Variants in RAPGEF4 observed in about 807,000 individuals in gnomAD.
The protein encoded by RAPGEF4 is RAP guanine-nucleotide-exchange factor (GEF) 4.
RAPGEF4 carries 66 observed loss-of-function variants against 147.9 expected under a neutral mutation model. That is an observed-to-expected ratio of 0.45 (90% CI 0.37 to 0.55). The LOEUF is 0.55. RAPGEF4 is among the 20% of genes least tolerant of loss of function. RAPGEF4 has a pLI of 0.00. For synonymous variants in RAPGEF4, 419 were observed against 442.7 expected (o/e 0.95, Z 0.67); for missense variants, 1,071 against 1,257.3 (o/e 0.85, Z 2.24).
intron 4 of RAPGEF4, among the ~76,000 whole-genome samples, chr2:172,841,598 T>C (rs1337100206): frequency 6.6e-6 from 1 of 152,232 alleles, no homozygotes; most frequent in Non-Finnish European, 1.5e-5. Context: ...TATGAAGTAC[T>C]GATACAGATG....
At chr2:172,958,241 G>A (rs12996953) in intron 6 of RAPGEF4, among the ~76,000 whole-genome samples, 34,728 of 152,136 alleles carry the variant, frequency 0.23, 5,047 homozygotes, top group Middle Eastern at 0.34. Flanking sequence ...TCTAAGACAA[G>A]AAGAAGAAAT....
At chr2:172,909,669 AGCTGACTTGT>A (rs2149999135) in intron 4 of RAPGEF4, among the ~76,000 whole-genome samples, 1 of 152,278 alleles carries the variant, frequency 6.6e-6, no homozygotes, top group African/African-American at 2.4e-5. Flanking sequence ...CCCAGGTTTA[AGCTGACTTGT>A]GCTGACTTAT....
In RAPGEF4 at chr2:172,995,448, T is replaced by C. The variant is rs542337994; in HGVS notation, c.1491-1018T>C. 3.3e-5 allele frequency among the ~76,000 whole-genome samples: 5 copies of C among 152,216 alleles called. No individual in the cohort carries two copies. The South Asian group carries it at 1.0e-3, about 32-fold the overall frequency. ...GCATGTGCCACCACGCCCAGCTAAT[T>C]TTTTGTATTTTAGTAGAGACGGGGC... On this transcript the variant is annotated intron_variant, in intron 15 of 30. Transcript: ENST00000397081.
At chr2:172,888,976 T>C (rs1697571050) in intron 4 of RAPGEF4, among the ~76,000 whole-genome samples, 1 of 152,144 alleles carries the variant, frequency 6.6e-6, no homozygotes, top group Non-Finnish European at 1.5e-5. Flanking sequence ...AAGGTGAACT[T>C]TAATTGACTT....
intron 18 of RAPGEF4, among the ~76,000 whole-genome samples, 176 bp from the exon 19 acceptor site, chr2:173,016,173 T>C (rs1695490959): frequency 6.6e-6 from 1 of 152,212 alleles, no homozygotes; most frequent in African/African-American, 2.4e-5. Context: ...TCATGGCCAA[T>C]TTTGAACTTA....
At chr2:172,952,457 A>G (rs1688300749) in intron 6 of RAPGEF4, among the ~76,000 whole-genome samples, 1 of 152,214 alleles carries the variant, frequency 6.6e-6, no homozygotes, top group Admixed American at 6.5e-5. Context: ...TTATGTTTCC[A>G]TAGAAGTCAC....
At chr2:173,015,109 T>C (rs1695390210) in intron 18 of RAPGEF4, among the ~76,000 whole-genome samples, 3 of 152,242 alleles carry the variant, frequency 2.0e-5, no homozygotes, top group Admixed American at 2.0e-4. Flanking sequence ...AAAAGTCTTG[T>C]GCAAGTGATT....
At chr2:172,946,615 T>C (rs1437060359) in intron 6 of RAPGEF4, among the ~76,000 whole-genome samples, 1 of 152,178 alleles carries the variant, frequency 6.6e-6, no homozygotes, top group Admixed American at 6.5e-5. Flanking sequence ...ATCTGCTCTC[T>C]CACTATCAAG....
chr2:172,739,012 T>C (rs890431891), intron 1 of RAPGEF4, among the ~76,000 whole-genome samples: 13 of 152,182 alleles, frequency 8.5e-5, no homozygotes, highest in Non-Finnish European at 1.9e-4. Context: ...GTGTTGCAAG[T>C]GTTGTAGATA....
chr2:172,805,837 A>C (rs1334343298), intron 3 of RAPGEF4, among the ~76,000 whole-genome samples: 2 of 152,164 alleles, frequency 1.3e-5, no homozygotes, highest in Non-Finnish European at 2.9e-5. Flanking sequence ...ATAGGGCTAA[A>C]AGTCAGATAT....
intron 29 of RAPGEF4, among the ~76,000 whole-genome samples, chr2:173,040,530 G>A (rs1684634799): frequency 6.6e-6 from 1 of 152,182 alleles, no homozygotes; most frequent in Admixed American, 6.5e-5. Context: ...CCTGCCAGGG[G>A]CCGAGGTCAC....
intron 4 of RAPGEF4, among the ~76,000 whole-genome samples, chr2:172,901,733 T>C (rs745702263): frequency 6.6e-5 from 10 of 152,152 alleles, no homozygotes; most frequent in Non-Finnish European, 1.2e-4. Flanking sequence ...CTCAGAGTGG[T>C]TGAGAAATTC....
intron 4 of RAPGEF4, among the ~76,000 whole-genome samples, chr2:172,822,486 T>G (rs1392493264): frequency 6.6e-6 from 1 of 152,222 alleles, no homozygotes; most frequent in Admixed American, 6.5e-5. Flanking sequence ...TATTGATAAC[T>G]AAGAGTTCTA....
At chr2:172,869,974 C>T (rs1358407575) in intron 4 of RAPGEF4, among the ~76,000 whole-genome samples, 2 of 152,146 alleles carry the variant, frequency 1.3e-5, no homozygotes, top group African/African-American at 2.4e-5. Context: ...GGGTGAACTC[C>T]ACTCCCGGGG....
At chr2:172,879,816 C>G (rs1213862702) in intron 4 of RAPGEF4, among the ~76,000 whole-genome samples, 1 of 152,060 alleles carries the variant, frequency 6.6e-6, no homozygotes, top group Non-Finnish European at 1.5e-5. Context: ...AAATGGATTA[C>G]TTGTATAATT....
chr2:173,008,624 T>C (rs1575504937), intron 17 of RAPGEF4, among the ~76,000 whole-genome samples: 1 of 152,228 alleles, frequency 6.6e-6, no homozygotes, highest in East Asian at 1.9e-4. Flanking sequence ...ATAATTAGCA[T>C]GTACTTACTG....
chr2:172,745,377 C>G (rs1694674783), intron 1 of RAPGEF4, among the ~76,000 whole-genome samples: 1 of 151,788 alleles, frequency 6.6e-6, no homozygotes, highest in Non-Finnish European at 1.5e-5. Context: ...TCATAGTATT[C>G]CTTATAATCC....
rs180764741 is a variant in RAPGEF4, at chr2:172,917,681, C to T, written c.445-121C>T. On this transcript the variant is annotated intron_variant, in intron 4 of 30. Transcript: ENST00000397081. ...ACCCCGGAGAACACGTTTCATGGCT[C>T]TATAAATACAAGGCTCAGATGCTTC... 3 of 827,236 alleles carry T rather than the reference C, an allele frequency of 3.6e-6. No individual in the cohort carries two copies. In the East Asian group the frequency reaches 7.4e-5, roughly 20 times the overall value. 51.2% of individuals were successfully genotyped at this position (827,236 alleles called of 1,614,324 possible). A position where few individuals can be genotyped will look rare whatever the true frequency, so the allele number is the denominator to read the frequency against.
At position 172,876,091 on chromosome 2, in the gene RAPGEF4, A is replaced by G. The variant is rs1465924223; in HGVS notation, c.445-41711A>G. Among the ~76,000 whole-genome samples, 3 of 152,064 alleles carry G rather than the reference A, an allele frequency of 2.0e-5. No individual in the cohort carries two copies. The South Asian group carries it at 6.2e-4, about 32-fold the overall frequency. On this transcript the variant is annotated intron_variant, in intron 4 of 30. Transcript: ENST00000397081. ...GAATGCTTGTGATTTTTGCACATTG[A>G]TTTTGTATCCTGAGACTTTGCTGAA...
Sources: allele counts gnomAD v4.1 joint callset (sites outside exome capture counted in the v4.1 genomes callset), GRCh38; gene constraint gnomAD v4.1.1; transcripts MANE v1.5; gene names NCBI Gene and HGNC (gene_info 2026-07-23, HGNC 2026-07-21).